The following PTPRE variants were observed in gnomAD, a reference collection of about 807,000 sequenced individuals.
The protein encoded by PTPRE is protein tyrosine phosphatase receptor type E.
In PTPRE, 51 loss-of-function variants were observed where a neutral mutation model predicts 102.0. The ratio of observed to expected loss-of-function variants is 0.50; its 90% CI spans 0.40 to 0.63. PTPRE has a LOEUF of 0.63. Among genes scored for constraint, PTPRE ranks in the 30% least tolerant of loss-of-function variants. The pLI is 0.00. For missense variants in PTPRE, 752 were observed against 915.1 expected (o/e 0.82, Z 2.30); for synonymous variants, 345 against 348.2 (o/e 0.99, Z 0.10).
intron 1 of PTPRE, among the ~76,000 whole-genome samples, chr10:127,955,789 C>G (rs1044710171): frequency 2.4e-4 from 37 of 152,132 alleles, no homozygotes; most frequent in Non-Finnish European, 7.4e-5. Flanking sequence ...TAACAGGAAG[C>G]ATGACTGGGA....
At chr10:128,020,467 AAAAC>A (rs1486917532) in intron 2 of PTPRE, among the ~76,000 whole-genome samples, 3 of 152,256 alleles carry the variant, frequency 2.0e-5, no homozygotes, top group Admixed American at 2.0e-4. Context: ...TTTCAACAAA[AAAAC>A]AAACAACTGC....
At chr10:127,992,383 G>A (rs1377401056) in intron 2 of PTPRE, among the ~76,000 whole-genome samples, 2 of 152,144 alleles carry the variant, frequency 1.3e-5, no homozygotes, top group Non-Finnish European at 2.9e-5. Flanking sequence ...ATCCAGGTTG[G>A]GCCCTCAGAA....
chr10:127,995,938 G>A (rs987399246), intron 2 of PTPRE, among the ~76,000 whole-genome samples: 3 of 152,114 alleles, frequency 2.0e-5, no homozygotes, highest in Non-Finnish European at 4.4e-5. Flanking sequence ...GAAATGGAGG[G>A]GGGCTTTCTT....
At chr10:128,016,289 C>T (rs962045957) in intron 2 of PTPRE, among the ~76,000 whole-genome samples, 2 of 152,108 alleles carry the variant, frequency 1.3e-5, no homozygotes, top group Non-Finnish European at 2.9e-5. Context: ...CCCAGTAATA[C>T]AGGTCACATT....
At chr10:127,923,050 G>C (rs113626322) in intron 1 of PTPRE, among the ~76,000 whole-genome samples, 1 of 152,246 alleles carries the variant, frequency 6.6e-6, no homozygotes. Context: ...TAACTTGAGC[G>C]TCTGGCGGCA....
At chr10:127,910,803 G>A (rs1845817251) in intron 1 of PTPRE, among the ~76,000 whole-genome samples, 2 of 152,192 alleles carry the variant, frequency 1.3e-5, no homozygotes, top group Non-Finnish European at 2.9e-5. Flanking sequence ...GAAGTTTGAG[G>A]CCGGGTGCAA....
At chr10:128,055,896 C>G (rs1241231918) in intron 6 of PTPRE, among the ~76,000 whole-genome samples, 2 of 152,202 alleles carry the variant, frequency 1.3e-5, no homozygotes, top group Non-Finnish European at 2.9e-5. Context: ...ACTTTGGCCA[C>G]ACCACTGTTC....
At chr10:127,913,036 G>A (rs113329545) in intron 1 of PTPRE, among the ~76,000 whole-genome samples, 1 of 152,230 alleles carries the variant, frequency 6.6e-6, no homozygotes, top group African/African-American at 2.4e-5. Context: ...TCAGATGGGG[G>A]CCCATGAGAC....
intron 2 of PTPRE, among the ~76,000 whole-genome samples, chr10:128,023,341 G>C (rs1846062053): frequency 6.6e-6 from 1 of 151,864 alleles, no homozygotes; most frequent in African/African-American, 2.4e-5. Flanking sequence ...GTATGTATAG[G>C]AAAAAAGATA....
Position 128,013,560 on chromosome 10 carries a change from C to G in PTPRE, c.-7-27315C>G, listed in dbSNP as rs553286611. Among the ~76,000 whole-genome samples the G allele has an allele frequency of 6.6e-5, 10 of 152,220 alleles. No homozygotes were observed. The East Asian group carries it at 7.7e-4, about 12-fold the overall frequency. ...ATGATCTGAATGTCTGTGTCCCCCC[C>G]CAGATTTATATGCTGAAATCTGATC... On this transcript the variant is annotated intron_variant, in intron 2 of 20. Transcript: ENST00000254667.
intron 1 of PTPRE, among the ~76,000 whole-genome samples, chr10:127,930,862 G>A (rs568199210): frequency 8.6e-5 from 13 of 150,660 alleles, no homozygotes; most frequent in Non-Finnish European, 1.5e-4. Flanking sequence ...GCGCGATATC[G>A]GCTCACTGCA....
chr10:127,993,768 G>GGCGTGTGT (rs1554912234), intron 2 of PTPRE, among the ~76,000 whole-genome samples: 1 of 150,554 alleles, frequency 6.6e-6, no homozygotes, highest in African/African-American at 2.4e-5. Flanking sequence ...CTTTCATAGT[G>GGCGTGTGT]GTGTGTGTGT....
intron 2 of PTPRE, among the ~76,000 whole-genome samples, chr10:127,988,441 G>A (rs1490534850): frequency 6.6e-6 from 1 of 152,040 alleles, no homozygotes; most frequent in Non-Finnish European, 1.5e-5. Flanking sequence ...GAGTAGCTGG[G>A]ATTACAGGCA....
intron 12 of PTPRE, 176 bp from the exon 13 acceptor site, chr10:128,069,516 A>G: frequency 1.3e-6 from 1 of 774,932 alleles, no homozygotes; most frequent in Non-Finnish European, 2.0e-6. Context: ...CCGGCCTGAG[A>G]TCACTTTACT....
chr10:127,971,515 G>T (rs1365611135), intron 1 of PTPRE, among the ~76,000 whole-genome samples: 3 of 152,214 alleles, frequency 2.0e-5, no homozygotes, highest in Non-Finnish European at 4.4e-5. Flanking sequence ...AGGTGCGAGA[G>T]CCCCATGCAT....
chr10:127,939,559 G>GA (rs796176203), intron 1 of PTPRE, among the ~76,000 whole-genome samples: 65 of 150,756 alleles, frequency 4.3e-4, no homozygotes, highest in African/African-American at 3.4e-4. Flanking sequence ...GATACATGGA[G>GA]AAAAAAAAAC....
chr10:128,032,390 G>C (rs1846837225), intron 2 of PTPRE, among the ~76,000 whole-genome samples: 1 of 152,190 alleles, frequency 6.6e-6, no homozygotes, highest in Admixed American at 6.5e-5. Context: ...CTGTCCACTT[G>C]TGCCTCCAAG....
At chr10:127,978,581 T>C (rs945831500) in intron 1 of PTPRE, among the ~76,000 whole-genome samples, 2 of 151,970 alleles carry the variant, frequency 1.3e-5, no homozygotes, top group African/African-American at 2.4e-5. Flanking sequence ...CAGACAAACA[T>C]ACATTGCAAT....
chr10:128,008,728 G>T lies in PTPRE; in HGVS notation c.-8+26432G>T, dbSNP rs1424416698. On this transcript the variant is annotated intron_variant, in intron 2 of 20. Coordinates refer to ENST00000254667, the MANE Select transcript of PTPRE (RefSeq NM_006504.6). This position sits in a 1 kb window ranked among gnomAD's most constrained non-coding sequence, Gnocchi z 4.0. Reference sequence around the variant, plus strand: ...AGAAGTAGGAGACGCAGGATCAGGGGCACAGAGCTGCCAGCCCTTTCTCAG... The same window carrying T: ...AGAAGTAGGAGACGCAGGATCAGGGTCACAGAGCTGCCAGCCCTTTCTCAG... 6.6e-6 allele frequency among the ~76,000 whole-genome samples: 1 copy of T among 152,200 alleles called. No homozygotes were observed. The highest frequency in any genetic ancestry group is 2.4e-5 in the African/African-American group (1 of 41,440).
Sources: allele counts gnomAD v4.1 joint callset (sites outside exome capture counted in the v4.1 genomes callset), GRCh38; gene constraint gnomAD v4.1.1; non-coding constraint Gnocchi (gnomAD v3.1); transcripts MANE v1.5; gene names NCBI Gene and HGNC (gene_info 2026-07-23, HGNC 2026-07-21).